Variants in LPIN1 observed in about 807,000 individuals in gnomAD.
LPIN1 encodes the protein lipin 1, also known as phosphatidate phosphatase LPIN1.
LPIN1 carries 71 observed loss-of-function variants against 107.5 expected under a neutral mutation model. The ratio of observed to expected loss-of-function variants is 0.66; its 90% CI spans 0.55 to 0.80. The LOEUF (loss-of-function observed/expected upper bound fraction) is 0.80. Among genes scored for constraint, LPIN1 ranks in the 30% least tolerant of loss-of-function variants. LPIN1 has a pLI of 0.00. For missense variants in LPIN1, 1,043 were observed against 1,160.6 expected (o/e 0.90, Z 1.47); for synonymous variants, 445 against 452.6 (o/e 0.98, Z 0.21).
intron 1 of LPIN1, among the ~76,000 whole-genome samples, chr2:11,746,925 C>T (rs73183200): frequency 0.093 from 14,096 of 152,248 alleles, 2,131 homozygotes; most frequent in African/African-American, 0.32. Context: ...GCTTTCCTGA[C>T]GCGCCGCGAG....
In LPIN1 at chr2:11,765,104, G is replaced by C. The variant is rs1670581654; in HGVS notation, c.-9-429G>C. Among the ~76,000 whole-genome samples the C allele has an allele frequency of 6.6e-6, 1 of 152,030 alleles. No individual in the cohort carries two copies. The highest frequency in any genetic ancestry group is 2.4e-5 in the African/African-American group (1 of 41,406). ...ACCCTGGTGGGCTCTGATGGTCCAT[G>C]ATGGGCCATGGTGGACACTGATGGG... is the stretch of plus-strand genomic sequence containing the variant. On this transcript the variant is annotated intron_variant, in intron 1 of 20. Transcript: ENST00000674199. This position sits in a 1 kb window ranked among gnomAD's most constrained non-coding sequence, Gnocchi z 4.4.
At chr2:11,789,696 C>T (rs557493237) in intron 12 of LPIN1, among the ~76,000 whole-genome samples, 3 of 151,984 alleles carry the variant, frequency 2.0e-5, no homozygotes, top group Non-Finnish European at 2.9e-5. Context: ...TTTATTTTGT[C>T]CCTGCCATGG....
chr2:11,763,963 T>TTGTGTGTG (rs1309608635), intron 1 of LPIN1, among the ~76,000 whole-genome samples: 4 of 87,604 alleles, frequency 4.6e-5, no homozygotes, highest in African/African-American at 1.7e-4. Flanking sequence ...ACATATATTT[T>TTGTGTGTG]AGTGTGTGTG....
intron 13 of LPIN1, among the ~76,000 whole-genome samples, chr2:11,793,750 T>G (rs1397771205): frequency 6.6e-6 from 1 of 152,222 alleles, no homozygotes; most frequent in Non-Finnish European, 1.5e-5. Context: ...CTGTGAACTT[T>G]TCCTTCATAA....
At chr2:11,689,860 G>A (rs994768908) in intron 1 of LPIN1, among the ~76,000 whole-genome samples, 1 of 152,172 alleles carries the variant, frequency 6.6e-6, no homozygotes, top group African/African-American at 2.4e-5. Flanking sequence ...AGCCAAGATC[G>A]TGCCATTGCA....
intron 14 of LPIN1, 127 bp from the exon 15 acceptor site, chr2:11,802,780 A>G (rs1677982888): frequency 2.7e-6 from 3 of 1,100,610 alleles, no homozygotes. Flanking sequence ...CTTATGGTAA[A>G]TGACCACCCG....
At chr2:11,788,919 G>A (rs900888492) in intron 12 of LPIN1, among the ~76,000 whole-genome samples, 10 of 152,222 alleles carry the variant, frequency 6.6e-5, no homozygotes, top group Non-Finnish European at 1.5e-4. Flanking sequence ...GCCAGAGCCA[G>A]TACAGGGCCT....
At chr2:11,722,587 C>G (rs1664225677), upstream of LPIN1, 1 of 152,180 alleles carries the variant, frequency 6.6e-6, no homozygotes, top group South Asian at 2.1e-4. Context: ...CCCAAGATCA[C>G]AGGGTTGGGA....
intron 1 of LPIN1, among the ~76,000 whole-genome samples, chr2:11,750,021 G>C (rs1016435836): frequency 6.6e-5 from 10 of 152,206 alleles, no homozygotes; most frequent in African/African-American, 2.4e-4. Context: ...GTTGACCACA[G>C]ACCCTGCATG....
chr2:11,694,120 C>G (rs1388949678), intron 1 of LPIN1, among the ~76,000 whole-genome samples: 1 of 151,886 alleles, frequency 6.6e-6, no homozygotes, highest in Non-Finnish European at 1.5e-5. Context: ...ATGCGTGAGC[C>G]ACCATGCCCG....
chr2:11,693,172 T>C (rs1662356315), intron 1 of LPIN1, among the ~76,000 whole-genome samples: 1 of 150,546 alleles, frequency 6.6e-6, no homozygotes, highest in Admixed American at 6.6e-5. Context: ...ACAGTCGTGG[T>C]CCAAAGGTCT....
At chr2:11,808,877 A>T (rs1679171173) in intron 17 of LPIN1, among the ~76,000 whole-genome samples, 1 of 150,316 alleles carries the variant, frequency 6.7e-6, no homozygotes, top group African/African-American at 2.4e-5. Context: ...TCTCAAAAAA[A>T]AAAAAAAAAG....
chr2:11,710,882 G>A (rs753864505), intron 1 of LPIN1, among the ~76,000 whole-genome samples: 1 of 152,036 alleles, frequency 6.6e-6, no homozygotes, highest in African/African-American at 2.4e-5. Context: ...TGGGCAGAAT[G>A]AGCCTATTTT....
At chr2:11,705,968 G>A (rs1166735988) in intron 1 of LPIN1, among the ~76,000 whole-genome samples, 3 of 152,126 alleles carry the variant, frequency 2.0e-5, no homozygotes, top group Non-Finnish European at 2.9e-5. Context: ...TTCCTGCACT[G>A]TTCTTGTGAT....
At chr2:11,706,665 A>G (rs1663142073) in intron 1 of LPIN1, among the ~76,000 whole-genome samples, 1 of 152,342 alleles carries the variant, frequency 6.6e-6, no homozygotes, top group South Asian at 2.1e-4. Flanking sequence ...TATTATAACA[A>G]GGGCTTAGAT....
intron 1 of LPIN1, among the ~76,000 whole-genome samples, chr2:11,730,961 T>G (rs536469840): frequency 6.6e-6 from 1 of 152,242 alleles, no homozygotes; most frequent in Non-Finnish European, 1.5e-5. Flanking sequence ...AATTCTCTGC[T>G]GTGCTGATTA....
intron 1 of LPIN1, among the ~76,000 whole-genome samples, chr2:11,736,855 G>A (rs1665839713): frequency 6.6e-6 from 1 of 152,178 alleles, no homozygotes; most frequent in South Asian, 2.1e-4. Context: ...TGTCTGCTCT[G>A]ATTGGCTCAT....
intron 14 of LPIN1, among the ~76,000 whole-genome samples, chr2:11,800,119 A>G (rs1358381749): frequency 6.6e-6 from 1 of 152,184 alleles, no homozygotes; most frequent in Non-Finnish European, 1.5e-5. Context: ...TGTGATTTAG[A>G]CACAAGCCCT....
rs557347316 is a variant in LPIN1 at position 11,765,352 on chromosome 2, C to G, written c.-9-181C>G. Among the ~76,000 whole-genome samples, 3 of 151,890 alleles carry G rather than the reference C, an allele frequency of 2.0e-5. No homozygotes were observed. Among genetic ancestry groups the G allele is most frequent in the Non-Finnish European group, 4.4e-5 (3 of 67,918 alleles). Reference sequence around the variant, plus strand: ...GGACACTGATGGGCCGTGATGGGCCCTGATGGGCCCTGATGGACCCTGATG... The same window carrying G: ...GGACACTGATGGGCCGTGATGGGCCGTGATGGGCCCTGATGGACCCTGATG... On this transcript the variant is annotated intron_variant, in intron 1 of 20. Coordinates refer to ENST00000674199, the MANE Select transcript of LPIN1 (RefSeq NM_001349206.2). The surrounding 1 kb of genome is among the most constrained non-coding windows in gnomAD (Gnocchi z 4.4).
Sources: gnomAD v4.1 joint callset for allele counts (sites outside exome capture counted in the v4.1 genomes callset) on GRCh38, gnomAD v4.1.1 for gene constraint, Gnocchi (gnomAD v3.1) non-coding constraint, MANE v1.5 for transcripts, NCBI Gene and HGNC (gene_info 2026-07-23, HGNC 2026-07-21) for gene names.